ADGRV1: variants seen among roughly 807,000 people sequenced by gnomAD.
ADGRV1 encodes the protein adhesion G protein-coupled receptor V1.
In ADGRV1, 359 loss-of-function variants were observed where a neutral mutation model predicts 596.2. That is an observed-to-expected ratio of 0.60 (90% CI 0.55 to 0.66). The LOEUF is 0.66. Ranked by LOEUF, ADGRV1 falls within the 30% of genes least tolerant of loss-of-function variation. ADGRV1 has a pLI of 0.00. For synonymous variants in ADGRV1, 2,681 were observed against 2,679.2 expected (o/e 1.00, Z -0.02); for missense variants, 7,274 against 7,575.6 (o/e 0.96, Z 1.48).
chr5:90,886,957 A>G (rs1008366163), intron 83 of ADGRV1, among the ~76,000 whole-genome samples: 5 of 152,166 alleles, frequency 3.3e-5, no homozygotes, highest in Non-Finnish European at 5.9e-5. Flanking sequence ...TTATGTGACA[A>G]CTGAAATAGT....
chr5:91,143,836 T>A (rs1362852787), intron 87 of ADGRV1, among the ~76,000 whole-genome samples: 1 of 152,004 alleles, frequency 6.6e-6, no homozygotes, highest in East Asian at 1.9e-4. Flanking sequence ...TATGGAGGGG[T>A]GCCTGCAGGC....
chr5:90,936,909 C>T (rs1288836328), intron 83 of ADGRV1, among the ~76,000 whole-genome samples: 9 of 151,880 alleles, frequency 5.9e-5, no homozygotes, highest in Admixed American at 5.9e-4. Context: ...TTTATTTTGC[C>T]TGCAATCTTG....
At chr5:90,906,024 T>G (rs1235830923) in intron 83 of ADGRV1, among the ~76,000 whole-genome samples, 1 of 152,174 alleles carries the variant, frequency 6.6e-6, no homozygotes, top group Non-Finnish European at 1.5e-5. Flanking sequence ...TCTTGATATA[T>G]CACATTGATT....
rs370475280 is a variant in ADGRV1, at chr5:90,627,207, A to G, written c.673-4A>G. On this transcript the variant is annotated splice_region_variant and splice_polypyrimidine_tract_variant and intron_variant, in intron 6 of 89. Transcript: ENST00000405460. ...TTTTGCCTCTGTTTATATTCCTTTA[A>G]CAGGTACCAGAAAATGATGAAATAT... The G allele has an allele frequency of 5.3e-6, 8 of 1,496,790 alleles. No individual in the cohort carries two copies. The highest frequency in any genetic ancestry group is 7.1e-6 in the Non-Finnish European group (8 of 1,120,510). 92.7% of individuals were successfully genotyped at this position (1,496,790 alleles called of 1,614,324 possible). A position where few individuals can be genotyped will look rare whatever the true frequency, so the allele number is the denominator to read the frequency against.
Position 90,791,317 on chromosome 5 carries a change from A to G in ADGRV1, c.14488A>G (p.Lys4830Glu), listed in dbSNP as rs1215308933. 6.3e-7 allele frequency: 1 copy of G among 1,578,942 alleles called. No individual in the cohort carries two copies. The highest frequency in any genetic ancestry group is 8.6e-7 in the Non-Finnish European group (1 of 1,161,152). ...QLVVKDGATY[K>E]VDVVPIKNQV... ...GGTGGTCAAAGATGGTGCCACATAT[A>G]AAGTGGACGTGGTGCCAATAAAGAA... Residue 4830 changes from lysine to glutamate, a missense_variant, in exon 70 of 90, where the codon AAA (lysine) becomes GAA (glutamate). Lys to Glu is a moderately conservative substitution (Grantham distance 56). This residue lies in a region of ADGRV1 where 1,874 missense variants were observed against 1,970.2 expected (regional missense o/e 0.95). Coordinates refer to ENST00000405460, the MANE Select transcript of ADGRV1 (RefSeq NM_032119.4).
chr5:90,920,769 AATTTTACACATTCC>A (rs1261130096), intron 83 of ADGRV1, among the ~76,000 whole-genome samples: 11 of 152,194 alleles, frequency 7.2e-5, no homozygotes, highest in African/African-American at 2.7e-4. Context: ...GTAAATGTGG[AATTTTACACATTCC>A]ATTTTTTAAA....
At chr5:90,793,794 AG>A (rs1760348915) in intron 70 of ADGRV1, among the ~76,000 whole-genome samples, 2 of 152,326 alleles carry the variant, frequency 1.3e-5, no homozygotes, top group South Asian at 4.1e-4. Context: ...GAGTGACAAA[AG>A]TTTACTAGTT....
At chr5:90,802,668 A>G in intron 70 of ADGRV1, 71 bp from the exon 71 acceptor site, 1 of 1,425,974 alleles carries the variant, frequency 7.0e-7, no homozygotes, top group Non-Finnish European at 9.7e-7. Flanking sequence ...CATTATGCTA[A>G]TGGCTCAAGT....
chr5:90,963,729 A>G (rs1253458975), intron 83 of ADGRV1, among the ~76,000 whole-genome samples: 1 of 151,584 alleles, frequency 6.6e-6, no homozygotes, highest in Non-Finnish European at 1.5e-5. Flanking sequence ...TGAGGGAAGT[A>G]GAAGGGGAAA....
intron 89 of ADGRV1, among the ~76,000 whole-genome samples, chr5:91,160,845 T>A (rs946621986): frequency 3.3e-5 from 5 of 152,164 alleles, no homozygotes; most frequent in Non-Finnish European, 7.3e-5. Flanking sequence ...GTGCATTTCT[T>A]TGAACTTGGA....
intron 83 of ADGRV1, among the ~76,000 whole-genome samples, chr5:90,963,020 T>C (rs1466615608): frequency 1.3e-5 from 2 of 152,206 alleles, no homozygotes; most frequent in Non-Finnish European, 2.9e-5. Context: ...GCTAAACATA[T>C]TCAATTATAA....
chr5:90,815,615 T>C lies in ADGRV1; in HGVS notation c.16079-4T>C, dbSNP rs1581210285. ...ATATTATAGCCCTCCATTCTTTTTTTCAGGGAGTGACCTTCACAATGGCAT... is the reference window on the plus strand; with the variant it reads ...ATATTATAGCCCTCCATTCTTTTTTCCAGGGAGTGACCTTCACAATGGCAT... On this transcript the variant is annotated splice_polypyrimidine_tract_variant and splice_region_variant and intron_variant, in intron 74 of 89. Coordinates refer to ENST00000405460, the MANE Select transcript of ADGRV1 (RefSeq NM_032119.4). 2.0e-6 allele frequency: 3 copies of C among 1,500,278 alleles called. No homozygotes were observed. In the Middle Eastern group the frequency reaches 5.1e-4, roughly 255 times the overall value. The allele number at this position is 1,500,278 out of a possible 1,614,324, so 92.9% of individuals were successfully genotyped here. A position where few individuals can be genotyped will look rare whatever the true frequency, so the allele number is the denominator to read the frequency against.
At chr5:91,079,710 G>A (rs1029116489) in intron 86 of ADGRV1, among the ~76,000 whole-genome samples, 3 of 152,178 alleles carry the variant, frequency 2.0e-5, no homozygotes, top group Non-Finnish European at 4.4e-5. Flanking sequence ...TAGAACTCAG[G>A]TTTCCTGGAT....
intron 21 of ADGRV1, among the ~76,000 whole-genome samples, chr5:90,661,398 A>T (rs1770272517): frequency 6.6e-6 from 1 of 152,162 alleles, no homozygotes; most frequent in South Asian, 2.1e-4. Flanking sequence ...TTCAACTTGG[A>T]CTATATTTGT....
At chr5:90,725,267 C>A in intron 47 of ADGRV1, 35 bp downstream of exon 47, 1 of 1,174,218 alleles carries the variant, frequency 8.5e-7, no homozygotes, top group Non-Finnish European at 1.2e-6. Flanking sequence ...AGATTACTTT[C>A]TTTAAAAGAA....
chr5:90,700,390 A>G (rs942046757), intron 34 of ADGRV1, among the ~76,000 whole-genome samples: 1 of 152,148 alleles, frequency 6.6e-6, no homozygotes, highest in African/African-American at 2.4e-5. Context: ...GTCTCTAACA[A>G]TGTATTGAAT....
rs781082804 is a variant in ADGRV1 at position 90,810,522 on chromosome 5, G to A, written c.15262G>A (p.Glu5088Lys). The change falls in exon 74 of 90, where the codon GAA (glutamate) becomes AAA (lysine). Residue 5088 changes from glutamate (E) to lysine (K), a missense_variant. Physicochemically the swap from Glu to Lys is moderately conservative, Grantham distance 56 (BLOSUM62 1). Transcript: ENST00000405460. ...TAATGATCAGCTTTCTGAGATAGAA[G>A]AATTTTTTTACATTAACCTTACTTC... ...IINDQLSEIEEFFYINLTSVE... is the reference protein window; with the variant it reads ...IINDQLSEIEKFFYINLTSVE... 6.2e-7 allele frequency: 1 copy of A among 1,613,808 alleles called. No homozygotes were observed. The highest frequency in any genetic ancestry group is 8.5e-7 in the Non-Finnish European group (1 of 1,179,770).
intron 85 of ADGRV1, among the ~76,000 whole-genome samples, chr5:91,056,239 T>G (rs1046722303): frequency 1.3e-5 from 2 of 151,100 alleles, no homozygotes; most frequent in Non-Finnish European, 3.0e-5. Context: ...TCTCATCGAT[T>G]TGCTGAGCAT....
chr5:91,130,482 A>G (rs1234912049), intron 87 of ADGRV1, among the ~76,000 whole-genome samples: 1 of 126,426 alleles, frequency 7.9e-6, no homozygotes. Context: ...AGATTGTGCC[A>G]TTGCACTCCA....
Sources: gnomAD v4.1 joint callset for allele counts (sites outside exome capture counted in the v4.1 genomes callset) on GRCh38, gnomAD v4.1.1 for gene constraint, gnomAD v4.1.1 regional missense constraint, MANE v1.5 for transcripts, NCBI Gene and HGNC (gene_info 2026-07-23, HGNC 2026-07-21) for gene names.